The following PDE7A variants were observed in gnomAD, a reference collection of about 807,000 sequenced individuals.
PDE7A encodes high affinity 3',5'-cyclic-AMP phosphodiesterase 7A.
PDE7A carries 39 observed loss-of-function variants against 64.3 expected under a neutral mutation model. The observed-to-expected ratio is 0.61, with a 90% CI of 0.47 to 0.79. PDE7A has a LOEUF of 0.79. Among genes scored for constraint, PDE7A ranks in the 30% least tolerant of loss-of-function variants. The pLI is 0.00. For synonymous variants in PDE7A, 203 were observed against 206.8 expected (o/e 0.98, Z 0.16); for missense variants, 470 against 582.8 (o/e 0.81, Z 1.99).
At chr8:65,810,768 T>C (rs1044493492) in intron 1 of PDE7A, among the ~76,000 whole-genome samples, 2 of 152,096 alleles carry the variant, frequency 1.3e-5, no homozygotes, top group Non-Finnish European at 2.9e-5. Flanking sequence ...TCAAACATAT[T>C]TTAAGAAACA....
rs997507716 is a variant in PDE7A, at chr8:65,719,106, G to A, written c.*184C>T. 29 of 593,816 alleles carry A rather than the reference G, an allele frequency of 4.9e-5. No individual in the cohort carries two copies. The highest frequency in any genetic ancestry group is 7.2e-5 in the Non-Finnish European group (24 of 332,326). The allele number at this position is 593,816 out of a possible 1,614,324, so 36.8% of individuals were successfully genotyped here. The stretch of plus-strand genomic sequence containing the variant: ...GCCAAATTCATATTGCTGTATGTTC[G>A]GGTCTTGCAATTAACAAGTGGGTTC... On this transcript the variant is annotated 3_prime_UTR_variant, in exon 13 of 13. Coordinates refer to ENST00000401827, the MANE Select transcript of PDE7A (RefSeq NM_001242318.3).
At chr8:65,805,071 TG>T (rs777055438) in intron 1 of PDE7A, among the ~76,000 whole-genome samples, 27 of 151,990 alleles carry the variant, frequency 1.8e-4, no homozygotes, top group Admixed American at 5.9e-4. Flanking sequence ...TTGGAACTCC[TG>T]GACTCAAGCA....
intron 5 of PDE7A, among the ~76,000 whole-genome samples, chr8:65,740,562 G>A (rs149120532): frequency 0.03 from 4,596 of 152,092 alleles, 229 homozygotes; most frequent in African/African-American, 0.1. Context: ...CACCAAGCCC[G>A]GCTAATTTTT....
intron 3 of PDE7A, among the ~76,000 whole-genome samples, chr8:65,764,126 C>T (rs1192557135): frequency 6.6e-6 from 1 of 152,048 alleles, no homozygotes; most frequent in Non-Finnish European, 1.5e-5. Flanking sequence ...TCTACAAGCA[C>T]CACTTTGTAA....
chr8:65,810,047 C>T (rs1051507297), intron 1 of PDE7A, among the ~76,000 whole-genome samples: 2 of 152,188 alleles, frequency 1.3e-5, no homozygotes, highest in African/African-American at 2.4e-5. Flanking sequence ...CACATGCACA[C>T]ATATGTTTAC....
intron 1 of PDE7A, among the ~76,000 whole-genome samples, chr8:65,799,067 A>G (rs1290617275): frequency 6.6e-6 from 1 of 152,176 alleles, no homozygotes; most frequent in East Asian, 1.9e-4. Flanking sequence ...TAGAAGTCAG[A>G]TCAGTGGTTG....
intron 1 of PDE7A, among the ~76,000 whole-genome samples, chr8:65,811,235 T>C (rs1017193567): frequency 6.6e-6 from 1 of 152,084 alleles, no homozygotes; most frequent in Non-Finnish European, 1.5e-5. Flanking sequence ...GAGAACTTCA[T>C]GAAGGGACTG....
chr8:65,811,491 G>A (rs1290098277), intron 1 of PDE7A, among the ~76,000 whole-genome samples: 1 of 152,234 alleles, frequency 6.6e-6, no homozygotes, highest in African/African-American at 2.4e-5. Context: ...CGGCATGAGA[G>A]GCTGGATGAT....
At chr8:65,795,427 G>A (rs779909228) in intron 1 of PDE7A, among the ~76,000 whole-genome samples, 2 of 152,232 alleles carry the variant, frequency 1.3e-5, no homozygotes, top group Non-Finnish European at 1.5e-5. Flanking sequence ...AGGAGCTCCA[G>A]AAGTCTGATG....
intron 5 of PDE7A, among the ~76,000 whole-genome samples, chr8:65,745,090 T>C (rs1387049391): frequency 6.6e-6 from 1 of 152,236 alleles, no homozygotes; most frequent in African/African-American, 2.4e-5. Context: ...ATCTGATGAT[T>C]TCATAAGGGG....
chr8:65,826,199 A>G (rs940202393), intron 1 of PDE7A, among the ~76,000 whole-genome samples: 1 of 152,338 alleles, frequency 6.6e-6, no homozygotes, highest in East Asian at 1.9e-4. Flanking sequence ...AAGGAGTTTG[A>G]ATTGTGTTTT....
intron 7 of PDE7A, among the ~76,000 whole-genome samples, chr8:65,733,377 T>A (rs559708776): frequency 6.6e-6 from 1 of 152,134 alleles, no homozygotes; most frequent in Non-Finnish European, 1.5e-5. Flanking sequence ...ACTTACCAGA[T>A]TGTATGGTGA....
At position 65,715,328 on chromosome 8, in the gene PDE7A, G is replaced by A. The variant is rs567768996; in HGVS notation, c.*3962C>T. On this transcript the variant is annotated 3_prime_UTR_variant, in exon 13 of 13. Transcript: ENST00000401827. ...CGGTGGCAGGACTGCTTGAGCCCAA[G>A]AGTTCAAGACCAGCCAAGCCAACAA... Among the ~76,000 whole-genome samples, 1 of 151,584 alleles carries A rather than the reference G, an allele frequency of 6.6e-6. No homozygotes were observed. The highest frequency in any genetic ancestry group is 6.6e-5 in the Admixed American group (1 of 15,216).
At chr8:65,783,319 C>T (rs977423644) in intron 1 of PDE7A, among the ~76,000 whole-genome samples, 9 of 152,218 alleles carry the variant, frequency 5.9e-5, no homozygotes, top group African/African-American at 1.9e-4. Flanking sequence ...CTCCATCACA[C>T]TTGGGGCTCC....
intron 7 of PDE7A, among the ~76,000 whole-genome samples, chr8:65,732,438 G>A (rs1312040736): frequency 1.3e-5 from 2 of 152,198 alleles, no homozygotes; most frequent in Non-Finnish European, 2.9e-5. Flanking sequence ...GATAGAGCCT[G>A]GCATGTGGCA....
intron 4 of PDE7A, 115 bp downstream of exon 4, chr8:65,747,537 C>T (rs1278957768): frequency 1.1e-5 from 6 of 569,388 alleles, no homozygotes; most frequent in Non-Finnish European, 1.7e-5. Flanking sequence ...AAAATAGGCT[C>T]AACTGCTTTT....
At chr8:65,791,215 T>C (rs796248825) in intron 1 of PDE7A, among the ~76,000 whole-genome samples, 3 of 152,372 alleles carry the variant, frequency 2.0e-5, no homozygotes, top group African/African-American at 7.2e-5. Context: ...TGAATTTCTA[T>C]CTAGATTATT....
At chr8:65,769,293 T>C (rs1227603303) in intron 3 of PDE7A, among the ~76,000 whole-genome samples, 1 of 151,954 alleles carries the variant, frequency 6.6e-6, no homozygotes, top group Non-Finnish European at 1.5e-5. Context: ...GCACATATTT[T>C]TTTTAAAAAA....
At chr8:65,720,051 A>G (rs1283683148) in intron 12 of PDE7A, among the ~76,000 whole-genome samples, 1 of 152,256 alleles carries the variant, frequency 6.6e-6, no homozygotes, top group African/African-American at 2.4e-5. Flanking sequence ...CAGTCTAAAA[A>G]TAACAGGTGG....
Sources: allele counts gnomAD v4.1 joint callset (sites outside exome capture counted in the v4.1 genomes callset), GRCh38; gene constraint gnomAD v4.1.1; transcripts MANE v1.5; gene names NCBI Gene and HGNC (gene_info 2026-07-23, HGNC 2026-07-21).